Variants in MACROH2A2 observed in about 807,000 individuals in gnomAD.
MACROH2A2 encodes the protein core histone macro-H2A.2.
In MACROH2A2, 6 loss-of-function variants were observed where a neutral mutation model predicts 37.6. The ratio of observed to expected loss-of-function variants is 0.16; its 90% confidence interval spans 0.09 to 0.32. MACROH2A2 has a LOEUF of 0.32. MACROH2A2 is among the 10% of genes least tolerant of loss of function. The pLI is 1.00. For missense variants in MACROH2A2, 290 were observed against 485.9 expected, an observed-to-expected ratio of 0.60 and a Z score of 3.79; for synonymous variants, 192 against 202.7, an observed-to-expected ratio of 0.95 and a Z score of 0.45.
intron 2 of MACROH2A2, among the ~76,000 whole-genome samples, chr10:70,081,257 C>G (rs934413121): frequency 2.0e-5 from 3 of 152,040 alleles, no homozygotes; most frequent in Non-Finnish European, 4.4e-5. Flanking sequence ...GTGCTTAGCA[C>G]CGCTCGGCAC....
At chr10:70,104,439 G>A (rs552177645) in intron 7 of MACROH2A2, among the ~76,000 whole-genome samples, 1 of 151,908 alleles carries the variant, frequency 6.6e-6, no homozygotes, top group African/African-American at 2.4e-5. Context: ...CACTTTGAGA[G>A]GCAGAGGCGG....
At position 70,100,309 on chromosome 10, in the gene MACROH2A2, A is replaced by G. The variant is rs771026629; in HGVS notation, c.778+12A>G. 6.7e-7 allele frequency: 1 copy of G among 1,489,540 alleles called. No individual in the cohort carries two copies. The highest frequency in any genetic ancestry group is 9.4e-7 in the Non-Finnish European group (1 of 1,069,172). The allele number at this position is 1,489,540 out of a possible 1,614,324, so 92.3% of individuals were successfully genotyped here. On this transcript the variant is annotated intron_variant, in intron 7 of 8. Coordinates refer to ENST00000373255, the MANE Select transcript of MACROH2A2 (RefSeq NM_018649.3). ...GGAAGTCGCCGAAGGTAAGTGTGGAACTAGGCTCCTGTCACCAGCATGGCC... is the reference window on the plus strand; with the variant it reads ...GGAAGTCGCCGAAGGTAAGTGTGGAGCTAGGCTCCTGTCACCAGCATGGCC...
chr10:70,091,841 G>A lies in MACROH2A2; in HGVS notation c.364G>A (p.Gly122Ser). 6.2e-7 allele frequency: 1 copy of A among 1,614,080 alleles called. No homozygotes were observed. Among genetic ancestry groups the A allele is most frequent in the East Asian group, 2.2e-5 (1 of 44,886 alleles). Residue 122 changes from glycine (G) to serine (S), a missense_variant, in exon 4 of 9, where the codon GGC becomes AGC. Gly to Ser is a moderately conservative substitution (Grantham distance 56). This residue lies in a region of MACROH2A2 where 77 missense variants were observed against 68.9 expected (regional missense o/e 1.12). Coordinates refer to ENST00000373255, the MANE Select transcript of MACROH2A2 (RefSeq NM_018649.3). ...ELLAKKRGTK[G>S]KSETILSPPP... The stretch of plus-strand genomic sequence containing the variant: ...GCTGGCCAAAAAGCGAGGGACCAAA[G>A]GCAAGTCGGAAACGATCCTCTCCCC...
intron 3 of MACROH2A2, 71 bp from the exon 4 acceptor site, chr10:70,091,686 A>G: frequency 8.9e-7 from 1 of 1,119,472 alleles, no homozygotes; most frequent in Non-Finnish European, 1.3e-6. Flanking sequence ...AAAAAAAAAA[A>G]AAAAAGAACT....
chr10:70,096,553 T>A (rs1465034601), intron 6 of MACROH2A2, among the ~76,000 whole-genome samples: 1 of 152,134 alleles, frequency 6.6e-6, no homozygotes, highest in African/African-American at 2.4e-5. Flanking sequence ...AGGGAGCTGT[T>A]AATAGCCAGG....
chr10:70,053,997 C>T lies in MACROH2A2; in HGVS notation c.-60+997C>T, dbSNP rs1201299792. 6.6e-6 allele frequency among the ~76,000 whole-genome samples: 1 copy of T among 152,194 alleles called. No homozygotes were observed. The highest frequency in any genetic ancestry group is 2.1e-4 in the South Asian group (1 of 4,838). On this transcript the variant is annotated intron_variant, in intron 1 of 8. Coordinates refer to ENST00000373255, the MANE Select transcript of MACROH2A2 (RefSeq NM_018649.3). This position sits in a 1 kb window ranked among gnomAD's most constrained non-coding sequence, Gnocchi z 4.8. ...CCTCCAGCCCCGGCGCACCTCAGCC[C>T]CAGCCCGGCCAGCCCCCCGGATCGC...
At chr10:70,063,416 A>C (rs1023585699) in intron 1 of MACROH2A2, among the ~76,000 whole-genome samples, 2 of 152,170 alleles carry the variant, frequency 1.3e-5, no homozygotes, top group Non-Finnish European at 2.9e-5. Context: ...ATACAGACAC[A>C]CTGAGTTTGA....
intron 1 of MACROH2A2, among the ~76,000 whole-genome samples, chr10:70,064,580 C>T (rs889684042): frequency 2.0e-5 from 3 of 151,934 alleles, no homozygotes; most frequent in African/African-American, 7.3e-5. Context: ...GTTGTGGGAG[C>T]GACTCAGGGG....
chr10:70,080,148 G>T (rs898857121), intron 2 of MACROH2A2, among the ~76,000 whole-genome samples: 2 of 152,024 alleles, frequency 1.3e-5, no homozygotes, highest in African/African-American at 2.4e-5. Context: ...ACGTGATGGT[G>T]CATGCCTGTT....
At position 70,089,945 on chromosome 10, in the gene MACROH2A2, G is replaced by A. The variant is rs971831738; in HGVS notation, c.173-115G>A. 9.3e-6 allele frequency: 7 copies of A among 753,200 alleles called. No individual in the cohort carries two copies. The African/African-American group carries it at 1.2e-4, about 13-fold the overall frequency. The allele number at this position is 753,200 out of a possible 1,614,324, so 46.7% of individuals were successfully genotyped here. On this transcript the variant is annotated intron_variant, in intron 2 of 8. Coordinates refer to ENST00000373255, the MANE Select transcript of MACROH2A2 (RefSeq NM_018649.3). ...CTTCCTGGATTTCTTTCCAGGCCGA[G>A]ACATAGAAATCACAAATGAATGAAT... is the stretch of plus-strand genomic sequence containing the variant.
chr10:70,084,473 A>G (rs7078541), intron 2 of MACROH2A2, among the ~76,000 whole-genome samples: 63,115 of 152,086 alleles, frequency 0.41, 13,876 homozygotes, highest in African/African-American at 0.55. Context: ...AATCACTTGA[A>G]CCCAGGTTAA....
chr10:70,077,624 G>C (rs1181143928), intron 2 of MACROH2A2, among the ~76,000 whole-genome samples: 1 of 152,004 alleles, frequency 6.6e-6, no homozygotes, highest in African/African-American at 2.4e-5. Flanking sequence ...TGTAATCCCA[G>C]CACTTGGGAG....
intron 6 of MACROH2A2, among the ~76,000 whole-genome samples, chr10:70,098,017 G>A (rs10733857): frequency 0.49 from 74,317 of 151,902 alleles, 20,661 homozygotes; most frequent in Non-Finnish European, 0.63. Context: ...TGAGGTGGGC[G>A]GACCACTTGA....
chr10:70,097,215 C>T (rs1398757950), intron 6 of MACROH2A2, among the ~76,000 whole-genome samples: 2 of 152,104 alleles, frequency 1.3e-5, no homozygotes, highest in South Asian at 2.1e-4. Flanking sequence ...GGTTCCAGGT[C>T]GGCCTGCCTG....
chr10:70,081,068 C>CAA (rs34688764), intron 2 of MACROH2A2, among the ~76,000 whole-genome samples: 674 of 45,398 alleles, frequency 0.015, 16 homozygotes, highest in Middle Eastern at 0.026. Context: ...CCCTGTCTCT[C>CAA]AAAAAAAAAA....
chr10:70,092,103 C>T lies in MACROH2A2; in HGVS notation c.477+149C>T, dbSNP rs542351050. On this transcript the variant is annotated intron_variant, in intron 4 of 8. Transcript: ENST00000373255. The stretch of plus-strand genomic sequence containing the variant: ...TTGAGAGATAACTAGATCATGAGGG[C>T]GAGTCCTCACGAATGGGAACAGTCC... 37 of 655,624 alleles carry T rather than the reference C, an allele frequency of 5.6e-5. No individual in the cohort carries two copies. The Admixed American group carries it at 6.3e-4, about 11-fold the overall frequency. The allele number at this position is 655,624 out of a possible 1,614,324, so 40.6% of individuals were successfully genotyped here.
At chr10:70,073,684 C>A (rs923503845) in intron 1 of MACROH2A2, among the ~76,000 whole-genome samples, 1 of 152,154 alleles carries the variant, frequency 6.6e-6, no homozygotes, top group African/African-American at 2.4e-5. Flanking sequence ...AATTTCAGAG[C>A]TTTTAATATA....
rs184661584 is a variant in MACROH2A2, at chr10:70,077,527, G to T, written c.172+1697G>T. Among the ~76,000 whole-genome samples, 1,321 of 151,932 alleles carry T rather than the reference G, an allele frequency of 8.7e-3. 21 individuals are homozygous for T. Among genetic ancestry groups the T allele is most frequent in the African/African-American group, 0.03 (1,247 of 41,380 alleles). On this transcript the variant is annotated intron_variant, in intron 2 of 8. Transcript: ENST00000373255. ...ACCCAGGAGTTGGAGGTTGCAGTGA[G>T]CTGAGATCACACCACTGCACTCCAG...
At chr10:70,088,724 C>T in intron 2 of MACROH2A2, among the ~76,000 whole-genome samples, 1 of 152,206 alleles carries the variant, frequency 6.6e-6, no homozygotes, top group East Asian at 1.9e-4. Flanking sequence ...TTCGGGTTAA[C>T]CATTTCCTCA....
Sources: gnomAD v4.1 joint callset for allele counts (sites outside exome capture counted in the v4.1 genomes callset) on GRCh38, gnomAD v4.1.1 for gene constraint, gnomAD v4.1.1 regional missense constraint, Gnocchi (gnomAD v3.1) non-coding constraint, MANE v1.5 for transcripts, NCBI Gene and HGNC (gene_info 2026-07-23, HGNC 2026-07-21) for gene names.